Variants in CTIF observed in about 807,000 individuals in gnomAD.
CTIF encodes the protein CBP80/20-dependent translation initiation factor.
Under a neutral mutation model 66.0 loss-of-function variants are expected in CTIF, and 21 were observed. The ratio of observed to expected loss-of-function variants is 0.32; its 90% CI spans 0.23 to 0.46. The LOEUF (loss-of-function observed/expected upper bound fraction) is 0.46, where lower values mean the gene tolerates loss of function less well. Among genes scored for constraint, CTIF ranks in the 20% least tolerant of loss-of-function variants. CTIF has a pLI of 1.00. For missense variants in CTIF, 739 were observed against 812.7 expected, an observed-to-expected ratio of 0.91 and a Z score of 1.10; for synonymous variants, 345 against 326.4, an observed-to-expected ratio of 1.06 and a Z score of -0.62.
chr18:48,635,825 T>A (rs1275971215), intron 2 of CTIF, among the ~76,000 whole-genome samples: 1 of 152,190 alleles, frequency 6.6e-6, no homozygotes, highest in Non-Finnish European at 1.5e-5. Flanking sequence ...CATCCCAGCC[T>A]CCCAGCCAGT....
intron 9 of CTIF, among the ~76,000 whole-genome samples, chr18:48,767,935 C>G (rs528310405): frequency 6.6e-6 from 1 of 152,152 alleles, no homozygotes; most frequent in Non-Finnish European, 1.5e-5. Flanking sequence ...GCTTGGCTTT[C>G]CTTATCAGTG....
chr18:48,735,610 T>C (rs1193425292), intron 7 of CTIF, among the ~76,000 whole-genome samples: 1 of 152,064 alleles, frequency 6.6e-6, no homozygotes, highest in Non-Finnish European at 1.5e-5. Context: ...GACAGGGTGT[T>C]TGAACAGATT....
At chr18:48,824,013 CAA>C (rs55868309) in intron 10 of CTIF, among the ~76,000 whole-genome samples, 18 of 146,760 alleles carry the variant, frequency 1.2e-4, no homozygotes, top group African/African-American at 4.3e-4. Flanking sequence ...CACACACACA[CAA>C]ACTGCTAGAA....
chr18:48,669,884 G>A (rs113113660), intron 5 of CTIF, among the ~76,000 whole-genome samples: 1,538 of 132,558 alleles, frequency 0.012, 14 homozygotes, highest in Middle Eastern at 0.051. Flanking sequence ...GTTTACTGTG[G>A]GCTGTCACAG....
rs1053908461 is a variant in CTIF, at chr18:48,694,947, C to G, written c.508-16672C>G. On this transcript the variant is annotated intron_variant, in intron 6 of 11. Transcript: ENST00000256413. ...AGGAACTCATCTTTGTCCATCTAAT[C>G]TTTCTTCCTAATTGGAAACCTCTGT... 8.5e-5 allele frequency among the ~76,000 whole-genome samples: 13 copies of G among 152,350 alleles called. No homozygotes were observed. The South Asian group carries it at 1.7e-3, about 19-fold the overall frequency.
At chr18:48,707,221 A>G (rs939531816) in intron 6 of CTIF, among the ~76,000 whole-genome samples, 1 of 152,220 alleles carries the variant, frequency 6.6e-6, no homozygotes, top group Non-Finnish European at 1.5e-5. Flanking sequence ...AGTCCACTGT[A>G]TGTGCTTTTA....
chr18:48,857,507 C>A, intron 10 of CTIF, 81 bp from the exon 11 acceptor site: 1 of 1,304,884 alleles, frequency 7.7e-7, no homozygotes, highest in Non-Finnish European at 1.1e-6. Context: ...GGCTGCAGGT[C>A]GGCGGGGGCT....
intron 1 of CTIF, among the ~76,000 whole-genome samples, chr18:48,596,502 ACAGAGT>A (rs2089989661): frequency 1.3e-5 from 2 of 148,320 alleles, no homozygotes; most frequent in Middle Eastern, 3.4e-3. Flanking sequence ...TTTTTGGGAG[ACAGAGT>A]CTTGCTCTGT....
chr18:48,775,805 C>T (rs562675309), intron 9 of CTIF, among the ~76,000 whole-genome samples: 1 of 152,178 alleles, frequency 6.6e-6, no homozygotes, highest in Admixed American at 6.5e-5. Flanking sequence ...TGGCAGGACC[C>T]TTTGAGGGAC....
chr18:48,654,726 A>C (rs919168011), intron 3 of CTIF, among the ~76,000 whole-genome samples: 13 of 152,236 alleles, frequency 8.5e-5, no homozygotes, highest in Non-Finnish European at 1.3e-4. Context: ...AACCAACCCA[A>C]ATGTCTACCA....
intron 6 of CTIF, among the ~76,000 whole-genome samples, chr18:48,703,601 G>A (rs576808006): frequency 2.0e-4 from 31 of 152,352 alleles, no homozygotes; most frequent in African/African-American, 4.8e-4. Flanking sequence ...ACCTAGGTTC[G>A]TGGTCAGGGG....
At chr18:48,700,127 G>A (rs72911607) in intron 6 of CTIF, among the ~76,000 whole-genome samples, 13,749 of 152,266 alleles carry the variant, frequency 0.09, 776 homozygotes, top group Non-Finnish European at 0.12. Flanking sequence ...ATAATTGAAG[G>A]GAGATGGTTT....
chr18:48,611,654 A>G (rs1024127901), intron 1 of CTIF, among the ~76,000 whole-genome samples: 8 of 152,244 alleles, frequency 5.3e-5, no homozygotes, highest in African/African-American at 1.9e-4. Flanking sequence ...CTTGAACCAG[A>G]ATCTGCATTG....
chr18:48,593,624 C>T (rs1295286280), intron 1 of CTIF, among the ~76,000 whole-genome samples: 1 of 151,910 alleles, frequency 6.6e-6, no homozygotes, highest in Non-Finnish European at 1.5e-5. Flanking sequence ...CCTCGTGATC[C>T]GCCCGCCTCA....
chr18:48,799,531 G>A (rs2068004874), intron 9 of CTIF, among the ~76,000 whole-genome samples: 1 of 152,038 alleles, frequency 6.6e-6, no homozygotes, highest in Admixed American at 6.6e-5. Context: ...AACATCGTGA[G>A]TGGACACCTG....
At chr18:48,731,262 C>CA (rs2145668694) in intron 7 of CTIF, among the ~76,000 whole-genome samples, 1 of 152,264 alleles carries the variant, frequency 6.6e-6, no homozygotes, top group South Asian at 2.1e-4. Flanking sequence ...CTCTGCAGAC[C>CA]ACCAGGACCC....
rs1183286023 is a variant in CTIF, at chr18:48,817,233, G to A, written c.1384G>A (p.Val462Met). ...LLNMLQKDFT[V>M]REELQQQDVE... ...CATGCCTCCACAGAAGGACTTCACG[G>A]TGCGCGAGGAGCTGCAGCAGCAGGA... The change falls in exon 10 of 12, where the codon GTG (valine) becomes ATG (methionine). Residue 462 changes from valine (V) to methionine (M), a missense_variant. Transcript: ENST00000256413. 6.2e-7 allele frequency: 1 copy of A among 1,613,772 alleles called. No individual in the cohort carries two copies. Among genetic ancestry groups the A allele is most frequent in the Non-Finnish European group, 8.5e-7 (1 of 1,179,924 alleles).
rs1456024800 is a variant in CTIF, at chr18:48,807,019, C to G, written c.1372-10202C>G. Among the ~76,000 whole-genome samples the G allele has an allele frequency of 2.6e-5, 4 of 152,250 alleles. No individual in the cohort carries two copies. In the East Asian group the frequency reaches 7.7e-4, roughly 29 times the overall value. On this transcript the variant is annotated intron_variant, in intron 9 of 11. Coordinates refer to ENST00000256413, the MANE Select transcript of CTIF (RefSeq NM_014772.3). Reference sequence around the variant, plus strand: ...GAAATGGCTGCCACCAATCTGAGGCCCCTTGCTGCTTTTGGATACAAGAGG... The same window carrying G: ...GAAATGGCTGCCACCAATCTGAGGCGCCTTGCTGCTTTTGGATACAAGAGG...
intron 2 of CTIF, among the ~76,000 whole-genome samples, chr18:48,626,687 C>G (rs1374410802): frequency 9.2e-6 from 1 of 108,502 alleles, no homozygotes; most frequent in Admixed American, 1.0e-4. Flanking sequence ...CAAAGTTTTG[C>G]TCTTGTTGTC....
Sources: allele counts gnomAD v4.1 joint callset (sites outside exome capture counted in the v4.1 genomes callset), GRCh38; gene constraint gnomAD v4.1.1; transcripts MANE v1.5; gene names NCBI Gene and HGNC (gene_info 2026-07-23, HGNC 2026-07-21).